DEK: variants seen among roughly 807,000 people sequenced by gnomAD.
DEK encodes the protein DEK proto-oncogene.
A neutral mutation model predicts 46.8 loss-of-function variants in DEK; 28 were observed. The observed-to-expected ratio is 0.60, with a 90% CI of 0.44 to 0.82. DEK has a LOEUF of 0.82. Ranked by LOEUF, DEK falls within the 40% of genes least tolerant of loss-of-function variation. DEK has a pLI of 0.00. For missense variants in DEK, 416 were observed against 430.6 expected (o/e 0.97, Z 0.30); for synonymous variants, 160 against 144.5 (o/e 1.11, Z -0.77).
chr6:18,242,787 A>T (rs1790949006), intron 7 of DEK, among the ~76,000 whole-genome samples: 1 of 152,196 alleles, frequency 6.6e-6, no homozygotes, highest in Non-Finnish European at 1.5e-5. Context: ...GGGTTCTTTT[A>T]AGTGAAAGCT....
At chr6:18,237,175 G>C (rs1196325649) in intron 8 of DEK, 4 of 441,384 alleles carry the variant, frequency 9.1e-6, no homozygotes, top group Admixed American at 8.6e-5. Context: ...CTCTCTCTCT[G>C]TCTCTCTCTC....
intron 9 of DEK, among the ~76,000 whole-genome samples, chr6:18,233,668 A>T (rs150460115): frequency 0.018 from 2,815 of 152,312 alleles, 25 homozygotes; most frequent in South Asian, 0.022. Flanking sequence ...CACCAGTTAG[A>T]ATGGAGATCA....
At position 18,225,221 on chromosome 6, in the gene DEK, T is replaced by G. The variant is rs1790057822; in HGVS notation, c.*498A>C. On this transcript the variant is annotated 3_prime_UTR_variant, in exon 11 of 11. Transcript: ENST00000652689. ...GGAGAAAAGTTCCAATTCAGTGATC[T>G]GGACAACTGTAGCTTGTATATTTTT... 4.4e-6 allele frequency: 1 copy of G among 228,506 alleles called. No homozygotes were observed. The highest frequency in any genetic ancestry group is 8.7e-6 in the Non-Finnish European group (1 of 115,186). 14.2% of individuals were successfully genotyped at this position (228,506 alleles called of 1,614,324 possible).
intron 9 of DEK, among the ~76,000 whole-genome samples, chr6:18,229,672 T>C (rs900547947): frequency 6.6e-6 from 1 of 151,946 alleles, no homozygotes; most frequent in Non-Finnish European, 1.5e-5. Flanking sequence ...AAGAGAAGTC[T>C]GGAGAAAAAA....
Position 18,258,420 on chromosome 6 carries a change from A to C in DEK, c.146-15T>G. The stretch of plus-strand genomic sequence containing the variant: ...GAGACTCTTTTCTAGAAATTAATTT[A>C]GTATTTCTTAATTAACAAAAAGCTT... On this transcript the variant is annotated splice_polypyrimidine_tract_variant and intron_variant, in intron 2 of 10. Transcript: ENST00000652689. The C allele has an allele frequency of 6.3e-7, 1 of 1,579,816 alleles. No homozygotes were observed. The highest frequency in any genetic ancestry group is 8.7e-7 in the Non-Finnish European group (1 of 1,152,732).
intron 8 of DEK, 135 bp downstream of exon 8, chr6:18,237,246 A>G: frequency 2.9e-6 from 3 of 1,032,074 alleles, no homozygotes; most frequent in Non-Finnish European, 4.0e-6. Flanking sequence ...GATAAGGGAT[A>G]TTCAACCTGT....
intron 2 of DEK, among the ~76,000 whole-genome samples, chr6:18,260,378 G>A (rs1047622141): frequency 2.6e-5 from 4 of 152,148 alleles, no homozygotes; most frequent in African/African-American, 9.7e-5. Context: ...AGAGCCAACA[G>A]TATATGCCTG....
chr6:18,253,131 GCT>G (rs568024212), intron 6 of DEK, among the ~76,000 whole-genome samples: 458 of 147,088 alleles, frequency 3.1e-3, no homozygotes, highest in Non-Finnish European at 5.4e-3. Context: ...AGACAGTCTC[GCT>G]CTGTCGCCCA....
At chr6:18,257,640 C>G (rs908626004) in intron 4 of DEK, among the ~76,000 whole-genome samples, 2 of 151,602 alleles carry the variant, frequency 1.3e-5, no homozygotes, top group Non-Finnish European at 2.9e-5. Flanking sequence ...CACTTGAGCC[C>G]AGGAGGTTGA....
chr6:18,232,277 G>A (rs573294208), intron 9 of DEK, among the ~76,000 whole-genome samples: 2 of 152,240 alleles, frequency 1.3e-5, no homozygotes, highest in Non-Finnish European at 2.9e-5. Flanking sequence ...GCAAAAACTG[G>A]AATCATTCCC....
At chr6:18,257,732 A>G (rs1218855872) in intron 4 of DEK, among the ~76,000 whole-genome samples, 1 of 147,256 alleles carries the variant, frequency 6.8e-6, no homozygotes, top group East Asian at 1.9e-4. Flanking sequence ...AAGAAAAAAA[A>G]AAGAAAAAGA....
Position 18,256,359 on chromosome 6 carries a change from A to C in DEK, c.452+2T>G. On this transcript the variant is annotated splice_donor_variant, in intron 5 of 10. Coordinates refer to ENST00000652689, the MANE Select transcript of DEK (RefSeq NM_003472.4). LOFTEE classifies it high-confidence loss of function. ...AATACAGTATTTATAAAAATAACTT[A>C]CTTTTTCAACATTTCTTCCTTCTTT... 1.9e-6 allele frequency: 3 copies of C among 1,604,934 alleles called. No individual in the cohort carries two copies. The highest frequency in any genetic ancestry group is 2.6e-6 in the Non-Finnish European group (3 of 1,173,936).
intron 5 of DEK, 56 bp downstream of exon 5, chr6:18,256,305 A>G: frequency 6.8e-7 from 1 of 1,469,278 alleles, no homozygotes; most frequent in Middle Eastern, 1.9e-4. Context: ...ATTTAACATT[A>G]AAAAATAAAC....
chr6:18,238,198 A>T (rs1252345885), intron 7 of DEK, among the ~76,000 whole-genome samples: 1 of 151,956 alleles, frequency 6.6e-6, no homozygotes, highest in African/African-American at 2.4e-5. Context: ...ATGTTTCCCT[A>T]ACTCCTAAAA....
chr6:18,249,310 G>A lies in DEK; in HGVS notation c.762+341C>T, dbSNP rs180826260. 7.0e-3 allele frequency among the ~76,000 whole-genome samples: 1,065 copies of A among 152,066 alleles called. 7 individuals carry two copies. Among genetic ancestry groups the A allele is most frequent in the Middle Eastern group, 0.01 (3 of 294 alleles). ...CAATTATAAAGTATCAATATATTAC[G>A]AAAAAAATCCTCGAAGAATCTGCTC... On this transcript the variant is annotated intron_variant, in intron 7 of 10. Coordinates refer to ENST00000652689, the MANE Select transcript of DEK (RefSeq NM_003472.4).
rs540399342 is a variant in DEK, at chr6:18,251,790, C to G, written c.574-1951G>C. Among the ~76,000 whole-genome samples, 7 of 152,240 alleles carry G rather than the reference C, an allele frequency of 4.6e-5. No homozygotes were observed. The South Asian group carries it at 1.2e-3, about 27-fold the overall frequency. On this transcript the variant is annotated intron_variant, in intron 6 of 10. Transcript: ENST00000652689. ...AAAAACATAATATCCCTCACAATCT[C>G]AGCTCAGAAACCAGACACAGGTAGC...
chr6:18,228,329 T>C (rs1041407092), intron 9 of DEK, among the ~76,000 whole-genome samples: 1 of 152,114 alleles, frequency 6.6e-6, no homozygotes, highest in African/African-American at 2.4e-5. Flanking sequence ...GCCCACAGGC[T>C]GTAGTATGCC....
intron 2 of DEK, among the ~76,000 whole-genome samples, chr6:18,261,622 C>T (rs1301213976): frequency 6.6e-6 from 1 of 152,082 alleles, no homozygotes; most frequent in Admixed American, 6.6e-5. Context: ...AAACAAAAAC[C>T]AAACCAGACT....
chr6:18,254,835 C>A (rs1791535433), intron 6 of DEK, among the ~76,000 whole-genome samples: 1 of 152,152 alleles, frequency 6.6e-6, no homozygotes, highest in South Asian at 2.1e-4. Context: ...ATCATCATAC[C>A]CCTTGCGTTT....
Sources: gnomAD v4.1 joint callset for allele counts (sites outside exome capture counted in the v4.1 genomes callset) on GRCh38, gnomAD v4.1.1 for gene constraint, MANE v1.5 for transcripts, NCBI Gene and HGNC (gene_info 2026-07-23, HGNC 2026-07-21) for gene names.